Variants in MSI1 observed in about 807,000 individuals in gnomAD.
MSI1 encodes the protein musashi RNA binding protein 1, also known as RNA-binding protein Musashi homolog 1.
MSI1 carries 15 observed loss-of-function variants against 54.4 expected under a neutral mutation model. The observed-to-expected ratio is 0.28, with a 90% CI of 0.18 to 0.42. The LOEUF is 0.42. Among genes scored for constraint, MSI1 ranks in the 20% least tolerant of loss-of-function variants. MSI1 has a pLI of 1.00. For missense variants in MSI1, 304 were observed against 506.0 expected (o/e 0.60, Z 3.83); for synonymous variants, 200 against 196.5 (o/e 1.02, Z -0.15).
At chr12:120,359,377 A>G (rs1875434445) in intron 6 of MSI1, among the ~76,000 whole-genome samples, 1 of 152,192 alleles carries the variant, frequency 6.6e-6, no homozygotes, top group Non-Finnish European at 1.5e-5. Flanking sequence ...CAAGACCTTG[A>G]CCAAACTGGG....
At chr12:120,356,865 T>C (rs756401860) in intron 9 of MSI1, 37 bp downstream of exon 9, 2 of 1,587,928 alleles carry the variant, frequency 1.3e-6, no homozygotes, top group Non-Finnish European at 8.6e-7. Context: ...GGAGCAGTTC[T>C]GGCAGAAAGA....
chr12:120,350,597 G>C (rs1874513637), intron 11 of MSI1, among the ~76,000 whole-genome samples: 1 of 152,128 alleles, frequency 6.6e-6, no homozygotes, highest in African/African-American at 2.4e-5. Flanking sequence ...TCTGGGGGTG[G>C]GGTGGGGGAG....
Position 120,353,872 on chromosome 12 carries a change from G to A in MSI1, c.653-493C>T, listed in dbSNP as rs150687685. 3.1e-3 allele frequency among the ~76,000 whole-genome samples: 475 copies of A among 152,314 alleles called. 1 individual carries two copies. Among genetic ancestry groups the A allele is most frequent in the African/African-American group, 9.9e-3 (411 of 41,564 alleles). ...AGTCCCTCTCATTGTACAAGACTCCGAAACATCTTCCCATAGGTGTCCTCC... is the reference window on the plus strand; with the variant it reads ...AGTCCCTCTCATTGTACAAGACTCCAAAACATCTTCCCATAGGTGTCCTCC... On this transcript the variant is annotated intron_variant, in intron 9 of 14. Transcript: ENST00000257552.
At chr12:120,364,342 C>T (rs899280628) in intron 5 of MSI1, among the ~76,000 whole-genome samples, 3 of 152,136 alleles carry the variant, frequency 2.0e-5, no homozygotes, top group Non-Finnish European at 4.4e-5. Context: ...GCCTTAGGGT[C>T]TAAGTCTGTC....
At chr12:120,353,035 G>C (rs1378265149) in intron 10 of MSI1, among the ~76,000 whole-genome samples, 1 of 151,698 alleles carries the variant, frequency 6.6e-6, no homozygotes, top group Non-Finnish European at 1.5e-5. Context: ...GTGGGGAGGA[G>C]AGACAGGCAG....
intron 11 of MSI1, among the ~76,000 whole-genome samples, chr12:120,349,470 G>A (rs959136678): frequency 2.0e-5 from 3 of 152,134 alleles, no homozygotes; most frequent in Non-Finnish European, 4.4e-5. Flanking sequence ...CTGACTTCAA[G>A]TAATCCACCT....
intron 14 of MSI1, among the ~76,000 whole-genome samples, chr12:120,343,701 T>C (rs1873879101): frequency 6.6e-6 from 1 of 152,194 alleles, no homozygotes; most frequent in African/African-American, 2.4e-5. Flanking sequence ...TCCTGTGAAA[T>C]GAGAGAGGAC....
chr12:120,359,738 T>G (rs1875471161), intron 6 of MSI1, among the ~76,000 whole-genome samples: 1 of 152,100 alleles, frequency 6.6e-6, no homozygotes, highest in Non-Finnish European at 1.5e-5. Context: ...AAGGCCTTGG[T>G]GCCACCTTCC....
intron 12 of MSI1, 131 bp from the exon 13 acceptor site, chr12:120,346,453 G>T: frequency 1.1e-6 from 1 of 912,608 alleles, no homozygotes; most frequent in South Asian, 2.1e-5. Context: ...CCACCTCCTG[G>T]AGATCTCCCC....
Position 120,369,156 on chromosome 12 carries a change from G to C in MSI1, c.-65C>G. 1 of 997,216 alleles carries C rather than the reference G, an allele frequency of 1.0e-6. No individual in the cohort carries two copies. The highest frequency in any genetic ancestry group is 1.2e-6 in the Non-Finnish European group (1 of 841,916). The allele number at this position is 997,216 out of a possible 1,614,324, so 61.8% of individuals were successfully genotyped here. On this transcript the variant is annotated 5_prime_UTR_variant, in exon 1 of 15. Transcript: ENST00000257552. ...CGGCGGCGGCGGCGGCGCTCGGCGC[G>C]GGGCAGATGAGGAGCGCGGCGAAGG... is the stretch of plus-strand genomic sequence containing the variant.
chr12:120,351,515 G>T, intron 10 of MSI1, 115 bp from the exon 11 acceptor site: 1 of 885,588 alleles, frequency 1.1e-6, no homozygotes, highest in South Asian at 1.6e-5. Context: ...CCATGCACAG[G>T]ACCCAAGAGC....
intron 12 of MSI1, among the ~76,000 whole-genome samples, 180 bp from the exon 13 acceptor site, chr12:120,346,502 T>A (rs1874138697): frequency 6.8e-6 from 1 of 147,028 alleles, no homozygotes; most frequent in Admixed American, 6.8e-5. Context: ...CTGACCCCCA[T>A]CATCTCGTCT....
chr12:120,346,041 C>T, intron 13 of MSI1, 94 bp downstream of exon 13: 3 of 1,142,232 alleles, frequency 2.6e-6, no homozygotes, highest in Non-Finnish European at 3.6e-6. Flanking sequence ...CCTCCTTTTG[C>T]CCCCAGAGAC....
In MSI1 at chr12:120,356,416, A is replaced by G. The variant is rs1346569315; in HGVS notation, c.652+486T>C. ...CAACTTAAATGTAACTTCTTTTCCCACTTCTCCAAGTCACGGTCAAGTTCC... is the reference window on the plus strand; with the variant it reads ...CAACTTAAATGTAACTTCTTTTCCCGCTTCTCCAAGTCACGGTCAAGTTCC... On this transcript the variant is annotated intron_variant, in intron 9 of 14. Transcript: ENST00000257552. 2.0e-5 allele frequency among the ~76,000 whole-genome samples: 3 copies of G among 151,546 alleles called. No homozygotes were observed. The East Asian group carries it at 5.8e-4, about 29-fold the overall frequency.
At chr12:120,359,583 C>G (rs1411057130) in intron 6 of MSI1, among the ~76,000 whole-genome samples, 1 of 152,154 alleles carries the variant, frequency 6.6e-6, no homozygotes, top group African/African-American at 2.4e-5. Flanking sequence ...AAGTAGAGTT[C>G]AGTGCCTGGG....
intron 10 of MSI1, 53 bp downstream of exon 10, chr12:120,353,246 T>G: frequency 6.4e-7 from 1 of 1,569,800 alleles, no homozygotes. Context: ...GAAGTCAGAC[T>G]GCCCGGGAAC....
Position 120,368,117 on chromosome 12 carries a change from C to G in MSI1, c.183-25G>C. 1 of 1,610,836 alleles carries G rather than the reference C, an allele frequency of 6.2e-7. No homozygotes were observed. Among genetic ancestry groups the G allele is most frequent in the Non-Finnish European group, 8.5e-7 (1 of 1,178,620 alleles). ...CCTGCGCGCCGTAGTGAGGGAGAGG[C>G]AGATGGTTACAAGGCAGTGAGTGGC... On this transcript the variant is annotated intron_variant, in intron 3 of 14. Coordinates refer to ENST00000257552, the MANE Select transcript of MSI1 (RefSeq NM_002442.4). The surrounding 1 kb of genome is among the most constrained non-coding windows in gnomAD (Gnocchi z 6.6).
chr12:120,360,781 A>G (rs778721340), intron 6 of MSI1, among the ~76,000 whole-genome samples: 21 of 151,658 alleles, frequency 1.4e-4, no homozygotes, highest in Non-Finnish European at 2.9e-4. Flanking sequence ...TGAAATAGGC[A>G]TAACAGTGTC....
At chr12:120,345,016 A>AAAAAT (rs1462761426) in intron 14 of MSI1, among the ~76,000 whole-genome samples, 1 of 152,028 alleles carries the variant, frequency 6.6e-6, no homozygotes, top group Non-Finnish European at 1.5e-5. Context: ...CTCCATCTAC[A>AAAAAT]AAAATAAAAT....
Sources: allele counts gnomAD v4.1 joint callset (sites outside exome capture counted in the v4.1 genomes callset), GRCh38; gene constraint gnomAD v4.1.1; non-coding constraint Gnocchi (gnomAD v3.1); transcripts MANE v1.5; gene names NCBI Gene and HGNC (gene_info 2026-07-23, HGNC 2026-07-21).